Variants in SCARB1 observed in about 807,000 individuals in gnomAD.
SCARB1 encodes CD36 and LIMPII analogous 1.
SCARB1 carries 30 observed loss-of-function variants against 57.2 expected under a neutral mutation model. The ratio of observed to expected loss-of-function variants is 0.52; its 90% CI spans 0.39 to 0.71. SCARB1 has a LOEUF of 0.71. Ranked by LOEUF, SCARB1 falls within the 30% of genes least tolerant of loss-of-function variation. SCARB1 has a pLI of 0.00. For synonymous variants in SCARB1, 249 were observed against 268.3 expected (o/e 0.93, Z 0.70); for missense variants, 543 against 671.2 (o/e 0.81, Z 2.11).
At chr12:124,808,175 G>T (rs1950390412) in intron 6 of SCARB1, among the ~76,000 whole-genome samples, 1 of 152,214 alleles carries the variant, frequency 6.6e-6, no homozygotes, top group Non-Finnish European at 1.5e-5. Flanking sequence ...AAGAACAGAG[G>T]CCAGGCATTA....
intron 1 of SCARB1, chr12:124,840,128 C>G: frequency 6.7e-6 from 8 of 1,202,256 alleles, no homozygotes; most frequent in Non-Finnish European, 8.7e-6. Context: ...ATTCTCATTT[C>G]CCTAACGATG....
rs1950504178 is a variant in SCARB1 at position 124,810,981 on chromosome 12, G to A, written c.727-692C>T. 1.3e-5 allele frequency among the ~76,000 whole-genome samples: 2 copies of A among 152,294 alleles called. No homozygotes were observed. Among genetic ancestry groups the A allele is most frequent in the South Asian group, 4.1e-4 (2 of 4,824 alleles). ...TCAGGGTCTTTGCAGTAACTACCACGGGGAGTGGGGAGTGGGAAGTCACAC... is the reference window on the plus strand; with the variant it reads ...TCAGGGTCTTTGCAGTAACTACCACAGGGAGTGGGGAGTGGGAAGTCACAC... On this transcript the variant is annotated intron_variant, in intron 5 of 12. Transcript: ENST00000261693. The surrounding 1 kb of genome is among the most constrained non-coding windows in gnomAD (Gnocchi z 4.0).
rs1301853416 is a variant in SCARB1, at chr12:124,807,156, G to C, written c.1009+605C>G. On this transcript the variant is annotated intron_variant, in intron 7 of 12. Coordinates refer to ENST00000261693, the MANE Select transcript of SCARB1 (RefSeq NM_005505.5). The surrounding 1 kb of genome is among the most constrained non-coding windows in gnomAD (Gnocchi z 5.3). ...GCGGAGGTTGCAGTGAGCTGAAATG[G>C]CGCCACTGCACTCCAACCTGGGTAA... Among the ~76,000 whole-genome samples, 1 of 152,080 alleles carries C rather than the reference G, an allele frequency of 6.6e-6. No individual in the cohort carries two copies. The highest frequency in any genetic ancestry group is 1.5e-5 in the Non-Finnish European group (1 of 68,006).
intron 1 of SCARB1, among the ~76,000 whole-genome samples, chr12:124,829,408 G>A (rs1301274986): frequency 6.6e-6 from 1 of 152,168 alleles, no homozygotes; most frequent in Non-Finnish European, 1.5e-5. Flanking sequence ...TAAAGTCAGA[G>A]CATGTCATTC....
chr12:124,790,377 TCAACAACAA>T (rs560643861), intron 9 of SCARB1, among the ~76,000 whole-genome samples: 12 of 151,652 alleles, frequency 7.9e-5, no homozygotes, highest in African/African-American at 1.5e-4. Flanking sequence ...AGACTGTGTC[TCAACAACAA>T]CAACAACAAC....
At chr12:124,780,614 C>T (rs904132535) in intron 12 of SCARB1, among the ~76,000 whole-genome samples, 7 of 152,222 alleles carry the variant, frequency 4.6e-5, no homozygotes, top group Non-Finnish European at 1.0e-4. Flanking sequence ...GGATCCGGGG[C>T]GCTGGGCTGG....
chr12:124,787,903 T>C (rs1355954482), intron 9 of SCARB1, among the ~76,000 whole-genome samples: 3 of 152,196 alleles, frequency 2.0e-5, no homozygotes, highest in Non-Finnish European at 4.4e-5. Flanking sequence ...ATAAGATATT[T>C]TGAGGGAGAG....
At chr12:124,834,464 A>C (rs1951544962) in intron 1 of SCARB1, among the ~76,000 whole-genome samples, 1 of 152,236 alleles carries the variant, frequency 6.6e-6, no homozygotes, top group African/African-American at 2.4e-5. Flanking sequence ...ATTTCTGAAC[A>C]CTGGAGCAGG....
rs560643861 is a variant in SCARB1, at chr12:124,790,377, T to TCAACAACAA, written c.1203-2929_1203-2921dup. Among the ~76,000 whole-genome samples, 127 of 151,764 alleles carry TCAACAACAA rather than the reference T, an allele frequency of 8.4e-4. 1 individual carries two copies. Among genetic ancestry groups the TCAACAACAA allele is most frequent in the Middle Eastern group, 3.4e-3 (1 of 292 alleles). ...CTAGATAGCAGAGCGAGACTGTGTCTCAACAACAACAACAACAACAACAAA... is the reference window on the plus strand; with the variant it reads ...CTAGATAGCAGAGCGAGACTGTGTCTCAACAACAACAACAACAACAACAACAACAACAAA... On this transcript the variant is annotated intron_variant, in intron 9 of 12. Coordinates refer to ENST00000261693, the MANE Select transcript of SCARB1 (RefSeq NM_005505.5).
At position 124,807,527 on chromosome 12, in the gene SCARB1, C is replaced by T. The variant is rs910912128; in HGVS notation, c.1009+234G>A. Among the ~76,000 whole-genome samples, 3 of 152,216 alleles carry T rather than the reference C, an allele frequency of 2.0e-5. No homozygotes were observed. Among genetic ancestry groups the T allele is most frequent in the Admixed American group, 2.0e-4 (3 of 15,286 alleles). On this transcript the variant is annotated intron_variant, in intron 7 of 12. Transcript: ENST00000261693. This position sits in a 1 kb window ranked among gnomAD's most constrained non-coding sequence, Gnocchi z 5.3. ...TCTGACTACAGAACTGCAAGATAAC[C>T]AGTGTGTGTTGTTCTAAGCCCTGAA...
chr12:124,795,878 T>A (rs1222495162), intron 8 of SCARB1, among the ~76,000 whole-genome samples: 1 of 152,254 alleles, frequency 6.6e-6, no homozygotes, highest in Non-Finnish European at 1.5e-5. Flanking sequence ...CCTAATATTT[T>A]TTTCCTTGTT....
intron 11 of SCARB1, chr12:124,784,579 G>A (rs1468855743): frequency 1.3e-5 from 2 of 152,366 alleles, no homozygotes; most frequent in Non-Finnish European, 2.9e-5. Context: ...AGCCTTCCCT[G>A]AGACAGGGGA....
chr12:124,807,093 C>T lies in SCARB1; in HGVS notation c.1009+668G>A, dbSNP rs1466340757. Among the ~76,000 whole-genome samples, 2 of 151,986 alleles carry T rather than the reference C, an allele frequency of 1.3e-5. No individual in the cohort carries two copies. Among genetic ancestry groups the T allele is most frequent in the Non-Finnish European group, 2.9e-5 (2 of 67,986 alleles). On this transcript the variant is annotated intron_variant, in intron 7 of 12. Transcript: ENST00000261693. The surrounding 1 kb of genome is among the most constrained non-coding windows in gnomAD (Gnocchi z 5.3). ...GTGCACGCCTGTGGTCCCAACTACT[C>T]GGGAGGCTGAGGTGGGAGGATCACT... is the stretch of plus-strand genomic sequence containing the variant.
At chr12:124,803,310 G>A (rs978449840) in intron 7 of SCARB1, among the ~76,000 whole-genome samples, 1 of 152,142 alleles carries the variant, frequency 6.6e-6, no homozygotes, top group Non-Finnish European at 1.5e-5. Context: ...CAGGCGCAGC[G>A]GTTCATGCCT....
intron 12 of SCARB1, among the ~76,000 whole-genome samples, chr12:124,780,175 G>C (rs1873170175): frequency 6.6e-6 from 1 of 152,154 alleles, no homozygotes; most frequent in Non-Finnish European, 1.5e-5. Flanking sequence ...GTGGAAGAAA[G>C]ATCGGTGAGA....
Position 124,795,205 on chromosome 12 carries a change from C to A in SCARB1, c.1192G>T (p.Ala398Ser), listed in dbSNP as rs757101173. The change falls in exon 9 of 13, where the codon GCA (alanine) becomes TCA (serine). Residue 398 changes from alanine (A) to serine (S), a missense_variant. By Grantham distance (99) the Ala-to-Ser change is moderately conservative (BLOSUM62 1). Coordinates refer to ENST00000261693, the MANE Select transcript of SCARB1 (RefSeq NM_005505.5). ...CCAGTCCCCACTCACCCAATGCCTG[C>A]GACAGATTTCATGTAGAGGCTCAGC... Reference protein sequence around the residue: ...LQLSLYMKSVAGIGQTGKIEP... With the variant: ...LQLSLYMKSVSGIGQTGKIEP... The A allele has an allele frequency of 8.7e-6, 14 of 1,613,612 alleles. No homozygotes were observed. Among genetic ancestry groups the A allele is most frequent in the Non-Finnish European group, 1.2e-5 (14 of 1,179,588 alleles).
rs146394799 is a variant in SCARB1 at position 124,800,211 on chromosome 12, G to A, written c.1041C>T (p.Phe347=). Residue 347 remains phenylalanine, a synonymous_variant, in exon 8 of 13, where the codon TTC becomes TTT. Transcript: ENST00000261693. This position sits in a 1 kb window ranked among gnomAD's most constrained non-coding sequence, Gnocchi z 4.8. ...CTGCCAGAACCGGGTCAGCGTTGAG[G>A]AAGTGAGGATGGGAGAGAAACAAGG... is the stretch of plus-strand genomic sequence containing the variant. ...SAPLFLSHPH[F]LNADPVLAEA... is the part of the protein sequence containing the mutation. The A allele has an allele frequency of 8.7e-6, 14 of 1,614,046 alleles. No individual in the cohort carries two copies. The highest frequency in any genetic ancestry group is 5.0e-5 in the Admixed American group (3 of 60,028).
chr12:124,827,621 A>G (rs1332953670), intron 1 of SCARB1, among the ~76,000 whole-genome samples: 1 of 152,110 alleles, frequency 6.6e-6, no homozygotes, highest in Non-Finnish European at 1.5e-5. Flanking sequence ...ACTGTCTGTT[A>G]CTCAGCCCAG....
intron 2 of SCARB1, among the ~76,000 whole-genome samples, chr12:124,816,633 G>A (rs1280250160): frequency 6.6e-6 from 1 of 152,090 alleles, no homozygotes; most frequent in Non-Finnish European, 1.5e-5. Flanking sequence ...ACCGTGTGCC[G>A]GGGGCAAGTC....
Sources: gnomAD v4.1 joint callset for allele counts (sites outside exome capture counted in the v4.1 genomes callset) on GRCh38, gnomAD v4.1.1 for gene constraint, Gnocchi (gnomAD v3.1) non-coding constraint, MANE v1.5 for transcripts, NCBI Gene and HGNC (gene_info 2026-07-23, HGNC 2026-07-21) for gene names.